Variants in VWA8 observed in about 807,000 individuals in gnomAD.
The protein encoded by VWA8 is von Willebrand factor A domain containing 8, also known as von Willebrand factor A domain-containing protein 8.
In VWA8, 221 loss-of-function variants were observed where a neutral mutation model predicts 241.5. That is an observed-to-expected ratio of 0.91 (90% CI 0.82 to 1.02). The LOEUF is 1.02. Ranked by LOEUF, VWA8 falls within the 50% of genes least tolerant of loss-of-function variation. VWA8 has a pLI of 0.00. For synonymous variants in VWA8, 852 were observed against 827.1 expected (o/e 1.03, Z -0.52); for missense variants, 2,322 against 2,328.7 (o/e 1.00, Z 0.06).
chr13:41,719,920 G>A (rs1474891312), intron 25 of VWA8, among the ~76,000 whole-genome samples, 178 bp from the exon 26 acceptor site: 1 of 152,046 alleles, frequency 6.6e-6, no homozygotes, highest in African/African-American at 2.4e-5. Context: ...TTGCTCAGAT[G>A]ACTTAACAAT....
At chr13:41,784,035 AG>A (rs1869023972) in intron 18 of VWA8, 134 bp from the exon 19 acceptor site, 2 of 651,390 alleles carry the variant, frequency 3.1e-6, no homozygotes, top group African/African-American at 3.8e-5. Flanking sequence ...AATAAGCTGG[AG>A]AGTAGTAATA....
At chr13:41,822,447 G>A (rs1326545110) in intron 14 of VWA8, among the ~76,000 whole-genome samples, 1 of 152,178 alleles carries the variant, frequency 6.6e-6, no homozygotes, top group African/African-American at 2.4e-5. Flanking sequence ...CAAACTGCAT[G>A]AACACATTCC....
In VWA8 at chr13:41,625,378, T is replaced by C. The variant is rs530789248; in HGVS notation, c.4612-10294A>G. On this transcript the variant is annotated intron_variant, in intron 37 of 44. Transcript: ENST00000379310. ...AGAATCTACAATGAACTCAAACAAATTTACAAGAAAAAAACAAACAACCCC... is the reference window on the plus strand; with the variant it reads ...AGAATCTACAATGAACTCAAACAAACTTACAAGAAAAAAACAAACAACCCC... Among the ~76,000 whole-genome samples, 40 of 152,038 alleles carry C rather than the reference T, an allele frequency of 2.6e-4. No homozygotes were observed. In the East Asian group the frequency reaches 6.2e-3, roughly 23 times the overall value.
intron 12 of VWA8, among the ~76,000 whole-genome samples, chr13:41,849,217 G>A (rs1183253617): frequency 6.6e-6 from 1 of 152,088 alleles, no homozygotes; most frequent in African/African-American, 2.4e-5. Flanking sequence ...TTCTTTAATA[G>A]GGGAAGAATA....
intron 12 of VWA8, among the ~76,000 whole-genome samples, chr13:41,844,469 T>C (rs986168769): frequency 2.6e-5 from 4 of 152,248 alleles, no homozygotes; most frequent in African/African-American, 9.6e-5. Context: ...CTATGCAACA[T>C]AGTACTAGAA....
chr13:41,897,112 T>C (rs944235755), intron 4 of VWA8, among the ~76,000 whole-genome samples: 8 of 152,142 alleles, frequency 5.3e-5, no homozygotes, highest in Non-Finnish European at 1.0e-4. Flanking sequence ...GCCCACAATA[T>C]GTTGTTTACT....
chr13:41,744,142 C>T (rs1215917169), intron 21 of VWA8, among the ~76,000 whole-genome samples: 1 of 152,202 alleles, frequency 6.6e-6, no homozygotes, highest in African/African-American at 2.4e-5. Context: ...ATTCACGCTC[C>T]AGAACTCCCT....
intron 37 of VWA8, among the ~76,000 whole-genome samples, chr13:41,634,436 G>A (rs545927666): frequency 2.6e-4 from 40 of 152,150 alleles, no homozygotes; most frequent in Middle Eastern, 3.4e-3. Flanking sequence ...AATTTTTGAC[G>A]TATTCTGACA....
At chr13:41,676,333 G>A (rs2045060073) in intron 35 of VWA8, among the ~76,000 whole-genome samples, 2 of 152,108 alleles carry the variant, frequency 1.3e-5, no homozygotes, top group South Asian at 2.1e-4. Context: ...GTGAAGACCT[G>A]CCCTCAATAT....
intron 26 of VWA8, among the ~76,000 whole-genome samples, chr13:41,707,886 T>G (rs1185266181): frequency 6.6e-6 from 1 of 152,122 alleles, no homozygotes; most frequent in Non-Finnish European, 1.5e-5. Context: ...CTATATTCCT[T>G]TCTGGGAAAA....
intron 12 of VWA8, among the ~76,000 whole-genome samples, chr13:41,839,352 T>A (rs1456367646): frequency 6.6e-6 from 1 of 152,246 alleles, no homozygotes; most frequent in Non-Finnish European, 1.5e-5. Flanking sequence ...TTTTTTCTTG[T>A]AAATTTGTTT....
chr13:41,614,440 C>T (rs531701343), intron 38 of VWA8, among the ~76,000 whole-genome samples: 123 of 152,268 alleles, frequency 8.1e-4, no homozygotes, highest in Non-Finnish European at 1.2e-3. Context: ...AGGAAGGAGT[C>T]GGCCATCGGT....
chr13:41,938,645 C>T (rs1209815611), intron 2 of VWA8, among the ~76,000 whole-genome samples: 5 of 144,786 alleles, frequency 3.5e-5, no homozygotes, highest in African/African-American at 7.9e-5. Context: ...AGTGAGACTG[C>T]GTCTCAAAAA....
intron 2 of VWA8, chr13:41,927,125 G>A: frequency 2.5e-6 from 1 of 398,740 alleles, no homozygotes; most frequent in Non-Finnish European, 5.0e-6. Flanking sequence ...TGAACAACAG[G>A]CCAAAGCCAA....
chr13:41,816,124 G>T (rs1320604056), intron 16 of VWA8, among the ~76,000 whole-genome samples: 2 of 152,106 alleles, frequency 1.3e-5, no homozygotes, highest in Non-Finnish European at 2.9e-5. Flanking sequence ...GGGGGAAAGT[G>T]AAAGAAATTA....
chr13:41,761,012 C>A lies in VWA8; in HGVS notation c.2426+116G>T, dbSNP rs981833152. The A allele has an allele frequency of 6.8e-6, 7 of 1,025,482 alleles. No homozygotes were observed. In the Admixed American group the frequency reaches 1.4e-4, roughly 20 times the overall value. The allele number at this position is 1,025,482 out of a possible 1,614,324, so 63.5% of individuals were successfully genotyped here. On this transcript the variant is annotated intron_variant, in intron 21 of 44. Transcript: ENST00000379310. Reference sequence around the variant, plus strand: ...AGAGAAGAGATAAGAGCAAGAAGAACAGAAATAAAACTGGTTTATAAAATG... The same window carrying A: ...AGAGAAGAGATAAGAGCAAGAAGAAAAGAAATAAAACTGGTTTATAAAATG...
At chr13:41,628,126 C>T (rs953339173) in intron 37 of VWA8, among the ~76,000 whole-genome samples, 82 of 152,158 alleles carry the variant, frequency 5.4e-4, no homozygotes, top group African/African-American at 1.8e-3. Context: ...ATGCTCAGGC[C>T]CATGCTGTGG....
chr13:41,909,265 G>A (rs1015505897), intron 3 of VWA8, among the ~76,000 whole-genome samples: 2 of 152,000 alleles, frequency 1.3e-5, no homozygotes, highest in Admixed American at 6.6e-5. Flanking sequence ...TCACCATGTC[G>A]GCCAGACTGA....
chr13:41,901,475 C>T (rs903968681), intron 4 of VWA8, among the ~76,000 whole-genome samples: 5 of 152,080 alleles, frequency 3.3e-5, no homozygotes, highest in Non-Finnish European at 2.9e-5. Context: ...TGCAATAATA[C>T]GAAGCACCTA....
Sources: gnomAD v4.1 joint callset for allele counts (sites outside exome capture counted in the v4.1 genomes callset) on GRCh38, gnomAD v4.1.1 for gene constraint, MANE v1.5 for transcripts, NCBI Gene and HGNC (gene_info 2026-07-23, HGNC 2026-07-21) for gene names.